Variants in FAM149A observed in about 807,000 individuals in gnomAD.
FAM149A encodes the protein family with sequence similarity 149 member A.
Under a neutral mutation model 78.2 loss-of-function variants are expected in FAM149A, and 71 were observed. The observed-to-expected ratio is 0.91, with a 90% CI of 0.75 to 1.11. The LOEUF (loss-of-function observed/expected upper bound fraction) is 1.11. Among genes scored for constraint, FAM149A ranks in the 50% least tolerant of loss-of-function variants. The probability of loss-of-function intolerance (pLI) is 0.00; values close to 1 mark genes in which losing one functional copy is unlikely to be tolerated. For missense variants in FAM149A, 1,036 were observed against 971.0 expected, an observed-to-expected ratio of 1.07 and a Z score of -0.89; for synonymous variants, 446 against 410.5, an observed-to-expected ratio of 1.09 and a Z score of -1.04.
chr4:186,127,112 AG>A (rs1263479807), intron 1 of FAM149A: 13 of 985,278 alleles, frequency 1.3e-5, no homozygotes, highest in Admixed American at 6.1e-5. Flanking sequence ...CCTTCCTGCC[AG>A]GCAGAAGGTG....
intron 1 of FAM149A, among the ~76,000 whole-genome samples, chr4:186,128,265 C>T (rs1040950238): frequency 2.6e-5 from 4 of 151,922 alleles, no homozygotes; most frequent in East Asian, 1.9e-4. Flanking sequence ...CTGAGATTAC[C>T]GGCATGAGTC....
At chr4:186,153,806 T>A (rs1174341285) in intron 5 of FAM149A, 36 bp downstream of exon 5, 1 of 1,569,436 alleles carries the variant, frequency 6.4e-7, no homozygotes, top group Non-Finnish European at 8.7e-7. Context: ...AAAGTATTGT[T>A]AGCTGTATTT....
At chr4:186,141,424 A>G (rs2099325731) in intron 1 of FAM149A, among the ~76,000 whole-genome samples, 1 of 152,224 alleles carries the variant, frequency 6.6e-6, no homozygotes, top group Non-Finnish European at 1.5e-5. Flanking sequence ...CTTTTACTTT[A>G]TAAATGTGGA....
rs200534330 is a variant in FAM149A, at chr4:186,163,476, G to A, written c.1732G>A (p.Ala578Thr). 132 of 1,614,018 alleles carry A rather than the reference G, an allele frequency of 8.2e-5. No individual in the cohort carries two copies. Among genetic ancestry groups the A allele is most frequent in the Admixed American group, 8.0e-4 (48 of 60,002 alleles). ...TGGAGGGGCAGGTGCTCTCTCCTCC[G>A]CACCGCACAGACTGGGACGGGCCTC... Residue 578 changes from alanine to threonine, a missense_variant, in exon 10 of 14, where the codon GCA becomes ACA. This residue lies in a region of FAM149A where 716 missense variants were observed against 711.8 expected (regional missense o/e 1.01). Coordinates refer to ENST00000389354, the MANE Select transcript of FAM149A (RefSeq NM_001367768.3).
intron 1 of FAM149A, chr4:186,127,194 C>T: frequency 1.0e-6 from 1 of 974,454 alleles, no homozygotes; most frequent in Non-Finnish European, 1.2e-6. Context: ...AGTAGCATCA[C>T]ACTGGGAGTT....
chr4:186,152,743 A>G (rs1055924805), intron 4 of FAM149A, among the ~76,000 whole-genome samples: 1 of 151,372 alleles, frequency 6.6e-6, no homozygotes, highest in African/African-American at 2.4e-5. Flanking sequence ...ACGGGGTTTC[A>G]CCGTGTTAGC....
At chr4:186,118,591 G>C (rs949122390) in intron 1 of FAM149A, among the ~76,000 whole-genome samples, 1 of 152,100 alleles carries the variant, frequency 6.6e-6, no homozygotes, top group Non-Finnish European at 1.5e-5. Context: ...ACTTTATTAA[G>C]ATACCTTTAG....
chr4:186,108,733 T>G (rs1054469261), intron 1 of FAM149A, among the ~76,000 whole-genome samples: 18 of 152,298 alleles, frequency 1.2e-4, no homozygotes, highest in Admixed American at 1.2e-3. Context: ...GTCCATTTCA[T>G]GTATATATTA....
At chr4:186,168,620 TGCTGGGATTACA>T (rs1270232936) in intron 13 of FAM149A, among the ~76,000 whole-genome samples, 1 of 152,170 alleles carries the variant, frequency 6.6e-6, no homozygotes, top group African/African-American at 2.4e-5. Flanking sequence ...CCTCCCAAAG[TGCTGGGATTACA>T]GGCATGAGCC....
At chr4:186,127,489 G>A (rs1561391245) in intron 1 of FAM149A, 1 of 985,432 alleles carries the variant, frequency 1.0e-6, no homozygotes, top group Non-Finnish European at 1.2e-6. Context: ...CAGCTGGAGT[G>A]TGGGTACCAG....
chr4:186,138,788 A>C (rs1579843703), intron 1 of FAM149A, among the ~76,000 whole-genome samples: 1 of 152,286 alleles, frequency 6.6e-6, no homozygotes, highest in East Asian at 1.9e-4. Flanking sequence ...GCGTGTCAAC[A>C]TGACACATCA....
At chr4:186,167,511 C>CAAAA in intron 13 of FAM149A, 4 of 278,828 alleles carry the variant, frequency 1.4e-5, no homozygotes, top group Admixed American at 4.7e-5. Flanking sequence ...GGGCCTCACT[C>CAAAA]AAAAAAAAAA....
rs547801502 is a variant in FAM149A at position 186,164,384 on chromosome 4, C to A, written c.1889+751C>A. The A allele has an allele frequency of 2.5e-6, 2 of 810,854 alleles. No homozygotes were observed. Among genetic ancestry groups the A allele is most frequent in the Non-Finnish European group, 3.0e-6 (2 of 670,770 alleles). The allele number at this position is 810,854 out of a possible 1,614,324, so 50.2% of individuals were successfully genotyped here. ...GGACACACCCACAAGTGCTCTCAGG[C>A]TTTAGAGACCACCCACTGGACCCCC... On this transcript the variant is annotated intron_variant, in intron 10 of 13. Coordinates refer to ENST00000389354, the MANE Select transcript of FAM149A (RefSeq NM_001367768.3). This position sits in a 1 kb window ranked among gnomAD's most constrained non-coding sequence, Gnocchi z 4.0.
intron 1 of FAM149A, chr4:186,127,161 C>T (rs554059141): frequency 1.1e-4 from 112 of 983,506 alleles, no homozygotes; most frequent in Non-Finnish European, 1.1e-4. Context: ...AGCAACTGTA[C>T]ACCTCTCGCC....
intron 1 of FAM149A, among the ~76,000 whole-genome samples, chr4:186,134,014 T>C (rs1255781388): frequency 6.6e-6 from 1 of 152,206 alleles, no homozygotes; most frequent in Non-Finnish European, 1.5e-5. Flanking sequence ...CTGGATCCTA[T>C]GGTAATTTTG....
In FAM149A at chr4:186,153,733, C is replaced by T; in HGVS notation, c.1021C>T (p.Pro341Ser). 1 of 1,613,834 alleles carries T rather than the reference C, an allele frequency of 6.2e-7. No homozygotes were observed. Among genetic ancestry groups the T allele is most frequent in the South Asian group, 1.1e-5 (1 of 91,062 alleles). ...TCCTGCCTCCGCAGTCCACAGACCC[C>T]CGCTCAGTGCCTGCGGACACAGCAG... The change falls in exon 5 of 14, where the codon CCG becomes TCG. Residue 341 changes from proline (P) to serine (S), a missense_variant. By Grantham distance (74) the Pro-to-Ser change is moderately conservative. Around this residue, in one of 3 missense-constraint regions of FAM149A, gnomAD observed 716 missense variants for 711.8 expected, o/e 1.01. Transcript: ENST00000389354.
chr4:186,167,226 G>T lies in FAM149A; in HGVS notation c.2182G>T (p.Ala728Ser). 1 of 1,612,008 alleles carries T rather than the reference G, an allele frequency of 6.2e-7. No individual in the cohort carries two copies. The change falls in exon 13 of 14, where the codon GCT becomes TCT. Residue 728 changes from alanine (A) to serine (S), a missense_variant. Transcript: ENST00000389354. ...AAGTTCATTGACACAAATGGAATTT[G>T]CTGCTCACACATGGACAGGTCAAAG... is the stretch of plus-strand genomic sequence containing the variant.
chr4:186,117,812 G>T, intron 1 of FAM149A: 1 of 833,744 alleles, frequency 1.2e-6, no homozygotes, highest in Non-Finnish European at 1.4e-6. Context: ...ATAAACGCCT[G>T]AGAGGTATGG....
chr4:186,107,271 T>G (rs1398728645), intron 1 of FAM149A, among the ~76,000 whole-genome samples: 1 of 152,262 alleles, frequency 6.6e-6, no homozygotes, highest in Non-Finnish European at 1.5e-5. Flanking sequence ...GTTTCAATTC[T>G]TGAACATATT....
Sources: gnomAD v4.1 joint callset for allele counts (sites outside exome capture counted in the v4.1 genomes callset) on GRCh38, gnomAD v4.1.1 for gene constraint, gnomAD v4.1.1 regional missense constraint, Gnocchi (gnomAD v3.1) non-coding constraint, MANE v1.5 for transcripts, NCBI Gene and HGNC (gene_info 2026-07-23, HGNC 2026-07-21) for gene names.